NRG4: variants seen among roughly 807,000 people sequenced by gnomAD.
NRG4 encodes the protein pro-neuregulin-4, membrane-bound isoform.
Under a neutral mutation model 15.0 loss-of-function variants are expected in NRG4, and 10 were observed. That is an observed-to-expected ratio of 0.67 (90% CI 0.41 to 1.13). The LOEUF (loss-of-function observed/expected upper bound fraction) is 1.13, where lower values mean the gene tolerates loss of function less well. NRG4 is among the 50% of genes most tolerant of loss of function. The pLI, the probability that NRG4 is intolerant of heterozygous loss-of-function variation, is 0.00. For missense variants in NRG4, 139 were observed against 140.2 expected (o/e 0.99, Z 0.04); for synonymous variants, 41 against 50.1 (o/e 0.82, Z 0.77).
At chr15:76,006,720 A>G (rs1039769310) in intron 3 of NRG4, among the ~76,000 whole-genome samples, 4 of 152,192 alleles carry the variant, frequency 2.6e-5, no homozygotes, top group Admixed American at 1.3e-4. Flanking sequence ...ACACATTTTT[A>G]CACCTGGTGT....
At chr15:76,017,155 CTTTTTTT>C (rs66838505), upstream of NRG4, among the ~76,000 whole-genome samples, 1,871 of 52,436 alleles carry the variant, frequency 0.036, 53 homozygotes, top group African/African-American at 0.097. Context: ...CAACCCCTGC[CTTTTTTT>C]TTTTTTTTTT....
intron 4 of NRG4, among the ~76,000 whole-genome samples, chr15:76,040,444 A>G (rs1463725317): frequency 1.3e-5 from 2 of 152,180 alleles, no homozygotes; most frequent in Non-Finnish European, 2.9e-5. Flanking sequence ...TTCTATCAGA[A>G]GTAAGGATGA....
upstream of NRG4, among the ~76,000 whole-genome samples, chr15:76,017,155 C>CTTTTTTT (rs66838505): frequency 8.8e-4 from 46 of 52,314 alleles, no homozygotes; most frequent in East Asian, 2.7e-3. Flanking sequence ...CAACCCCTGC[C>CTTTTTTT]TTTTTTTTTT....
intron 1 of NRG4, among the ~76,000 whole-genome samples, chr15:76,058,990 C>T (rs1436298851): frequency 6.6e-6 from 1 of 152,086 alleles, no homozygotes; most frequent in Non-Finnish European, 1.5e-5. Context: ...CGGTAACTGG[C>T]AATCATGGCC....
Position 75,966,401 on chromosome 15 carries a change from T to C in NRG4, c.105-4427A>G, listed in dbSNP as rs1480560985. Among the ~76,000 whole-genome samples the C allele has an allele frequency of 2.0e-5, 3 of 152,182 alleles. No individual in the cohort carries two copies. In the South Asian group the frequency reaches 6.2e-4, roughly 31 times the overall value. On this transcript the variant is annotated intron_variant, in intron 3 of 5. Coordinates refer to ENST00000394907, the MANE Select transcript of NRG4 (RefSeq NM_138573.4). ...ACTGTGAAATCAAAATAACATCACA[T>C]GCTTTAACTACATAGGGCTATTGTC...
intron 5 of NRG4, among the ~76,000 whole-genome samples, chr15:76,017,776 A>G (rs1263486367): frequency 1.3e-5 from 2 of 150,166 alleles, no homozygotes; most frequent in African/African-American, 4.9e-5. Context: ...CTTCATTTCA[A>G]CCTTGGTGAA....
In NRG4 at chr15:75,969,687, A is replaced by G. The variant is rs761671321; in HGVS notation, c.105-7713T>C. 5.2e-4 allele frequency among the ~76,000 whole-genome samples: 79 copies of G among 152,242 alleles called. 3 individuals are homozygous for G. Among genetic ancestry groups the G allele is most frequent in the Non-Finnish European group, 5.7e-4 (39 of 68,040 alleles). ...AGTGATCTGGCAAAATGTGAGGGTT[A>G]AATAAAATTTATACTCTTTTAAAGT... is the stretch of plus-strand genomic sequence containing the variant. On this transcript the variant is annotated intron_variant, in intron 3 of 5. Coordinates refer to ENST00000394907, the MANE Select transcript of NRG4 (RefSeq NM_138573.4).
At chr15:75,973,677 T>C (rs943502312) in intron 3 of NRG4, among the ~76,000 whole-genome samples, 7 of 152,224 alleles carry the variant, frequency 4.6e-5, no homozygotes, top group Non-Finnish European at 1.0e-4. Context: ...GTGTATTGAT[T>C]TGCATATGTT....
intron 3 of NRG4, among the ~76,000 whole-genome samples, chr15:76,000,178 C>T (rs1279432057): frequency 1.3e-5 from 2 of 152,114 alleles, no homozygotes; most frequent in African/African-American, 2.4e-5. Context: ...GCCACTGCAC[C>T]TGGCTGGAAA....
intron 3 of NRG4, among the ~76,000 whole-genome samples, chr15:75,985,487 C>A (rs144473055): frequency 1.4e-4 from 22 of 152,310 alleles, no homozygotes; most frequent in Middle Eastern, 3.4e-3. Flanking sequence ...ATATATGTAT[C>A]TTCTGCCTCG....
intron 5 of NRG4, among the ~76,000 whole-genome samples, chr15:76,032,375 C>T (rs1234929031): frequency 6.6e-6 from 1 of 151,932 alleles, no homozygotes; most frequent in Non-Finnish European, 1.5e-5. Flanking sequence ...CAATACCCCC[C>T]AAATCATGTC....
chr15:75,941,009 A>C lies in NRG4; in HGVS notation c.*2629T>G, dbSNP rs1479859319. On this transcript the variant is annotated 3_prime_UTR_variant, in exon 6 of 6. Coordinates refer to ENST00000394907, the MANE Select transcript of NRG4 (RefSeq NM_138573.4). Reference sequence around the variant, plus strand: ...AACAGAGTAAAAAGATTACCTATGGAGTGGGAGGAAATAATATGCAGTTCA... The same window carrying C: ...AACAGAGTAAAAAGATTACCTATGGCGTGGGAGGAAATAATATGCAGTTCA... 1.8e-4 allele frequency: 28 copies of C among 152,182 alleles called. 1 individual carries two copies. Among genetic ancestry groups the C allele is most frequent in the Admixed American group, 1.8e-3 (28 of 15,286 alleles). The allele number at this position is 152,182 out of a possible 1,614,324, so 9.4% of individuals were successfully genotyped here.
rs559908649 is a variant in NRG4 at position 76,030,270 on chromosome 15, CAACA to C, written c.-57+5670_-57+5673del. 1.3e-3 allele frequency among the ~76,000 whole-genome samples: 196 copies of C among 151,184 alleles called. 2 individuals carry two copies. The highest frequency in any genetic ancestry group is 2.8e-3 in the African/African-American group (113 of 40,804). ...TGAGACTCTGTCTCAAAAACAACAA[CAACA>C]AACAAACAAACAAACAAACAAAAAC... is the stretch of plus-strand genomic sequence containing the variant. On this transcript the variant is annotated intron_variant, in intron 5 of 8. Coordinates refer to the NRG4 transcript ENST00000563910.
chr15:75,960,434 A>G (rs1675377063), intron 4 of NRG4, among the ~76,000 whole-genome samples: 1 of 152,238 alleles, frequency 6.6e-6, no homozygotes, highest in Admixed American at 6.5e-5. Flanking sequence ...GTGGGTTGAC[A>G]GCTGGGCATC....
intron 3 of NRG4, among the ~76,000 whole-genome samples, chr15:75,999,945 A>T (rs1385761704): frequency 6.6e-6 from 1 of 152,180 alleles, no homozygotes; most frequent in Non-Finnish European, 1.5e-5. Context: ...GTGCAGTAGC[A>T]TGATCTCGGC....
Position 76,050,079 on chromosome 15 carries a change from T to G in NRG4, c.-105+1988A>C, listed in dbSNP as rs138355324. ...TCCATAGTCTTAAAGTTCTATAAGTTTACCTATTCTATCATTAGAAATATA... is the reference window on the plus strand; with the variant it reads ...TCCATAGTCTTAAAGTTCTATAAGTGTACCTATTCTATCATTAGAAATATA... On this transcript the variant is annotated intron_variant, in intron 4 of 8. Coordinates refer to the NRG4 transcript ENST00000563910. Among the ~76,000 whole-genome samples, 469 of 151,090 alleles carry G rather than the reference T, an allele frequency of 3.1e-3. 26 individuals are homozygous for G. The highest frequency in any genetic ancestry group is 0.01 in the African/African-American group (417 of 40,590).
At chr15:75,998,988 A>G (rs2034308445) in intron 3 of NRG4, among the ~76,000 whole-genome samples, 1 of 152,310 alleles carries the variant, frequency 6.6e-6, no homozygotes, top group African/African-American at 2.4e-5. Context: ...CTTACCACAT[A>G]TTAAACTCAC....
At chr15:75,998,797 T>A (rs1325235967) in intron 3 of NRG4, among the ~76,000 whole-genome samples, 2 of 152,178 alleles carry the variant, frequency 1.3e-5, no homozygotes, top group Non-Finnish European at 2.9e-5. Context: ...CAGAAAAGGA[T>A]TTGAACTAAT....
At chr15:76,049,114 G>A (rs2035939221) in intron 4 of NRG4, among the ~76,000 whole-genome samples, 1 of 150,542 alleles carries the variant, frequency 6.6e-6, no homozygotes, top group African/African-American at 2.5e-5. Context: ...TCTGAAATAA[G>A]AGGGTCAACC....
Sources: allele counts gnomAD v4.1 joint callset (sites outside exome capture counted in the v4.1 genomes callset), GRCh38; gene constraint gnomAD v4.1.1; transcripts MANE v1.5; gene names NCBI Gene and HGNC (gene_info 2026-07-23, HGNC 2026-07-21).